The following GALNTL6 variants were observed in gnomAD, a reference collection of about 807,000 sequenced individuals.
The protein encoded by GALNTL6 is polypeptide N-acetylgalactosaminyltransferase-like 6.
A neutral mutation model predicts 73.7 loss-of-function variants in GALNTL6; 46 were observed. That is an observed-to-expected ratio of 0.62 (90% CI 0.49 to 0.80). GALNTL6 has a LOEUF of 0.80. Among genes scored for constraint, GALNTL6 ranks in the 30% least tolerant of loss-of-function variants. The pLI, the probability that GALNTL6 is intolerant of heterozygous loss-of-function variation, is 0.00. For missense variants in GALNTL6, 604 were observed against 755.0 expected (o/e 0.80, Z 2.34); for synonymous variants, 259 against 263.7 (o/e 0.98, Z 0.17).
chr4:172,114,039 G>C (rs772671026), intron 2 of GALNTL6, among the ~76,000 whole-genome samples: 3 of 152,080 alleles, frequency 2.0e-5, no homozygotes, highest in Non-Finnish European at 2.9e-5. Context: ...TTTAGCTGAA[G>C]AGAAAGTAAT....
intron 2 of GALNTL6, among the ~76,000 whole-genome samples, chr4:171,982,667 C>T (rs1208130068): frequency 1.3e-5 from 2 of 152,164 alleles, no homozygotes; most frequent in African/African-American, 4.8e-5. Flanking sequence ...CCCACATCAA[C>T]CCCTTGATAG....
At chr4:172,770,069 G>A (rs1463006286) in intron 5 of GALNTL6, among the ~76,000 whole-genome samples, 1 of 152,096 alleles carries the variant, frequency 6.6e-6, no homozygotes, top group African/African-American at 2.4e-5. Flanking sequence ...TTCGAAACCA[G>A]CCTGACCAAC....
At chr4:172,405,401 T>TGA (rs1217752681) in intron 5 of GALNTL6, among the ~76,000 whole-genome samples, 5 of 91,688 alleles carry the variant, frequency 5.5e-5, no homozygotes, top group Non-Finnish European at 1.0e-4. Context: ...TACTTATACT[T>TGA]GATATATATA....
At chr4:173,012,892 C>T (rs1002985970) in intron 11 of GALNTL6, among the ~76,000 whole-genome samples, 1 of 152,202 alleles carries the variant, frequency 6.6e-6, no homozygotes, top group African/African-American at 2.4e-5. Flanking sequence ...AATCCCAGCA[C>T]TTTGGGAGGC....
chr4:172,479,145 C>T (rs777843694), intron 5 of GALNTL6, among the ~76,000 whole-genome samples: 4 of 152,038 alleles, frequency 2.6e-5, no homozygotes, highest in Admixed American at 6.5e-5. Flanking sequence ...CTGTTCCATC[C>T]GGGAATCCCA....
chr4:172,285,353 C>G (rs1358616269), intron 3 of GALNTL6, among the ~76,000 whole-genome samples: 2 of 152,062 alleles, frequency 1.3e-5, no homozygotes, highest in Admixed American at 1.3e-4. Flanking sequence ...AGATGTATAT[C>G]CTGGCCTAAA....
At chr4:172,487,464 C>A (rs917895741) in intron 5 of GALNTL6, among the ~76,000 whole-genome samples, 1 of 151,500 alleles carries the variant, frequency 6.6e-6, no homozygotes, top group Non-Finnish European at 1.5e-5. Flanking sequence ...TGGCTCACTG[C>A]CTACCTCCAC....
At chr4:172,480,583 T>G (rs1203084860) in intron 5 of GALNTL6, among the ~76,000 whole-genome samples, 1 of 152,186 alleles carries the variant, frequency 6.6e-6, no homozygotes, top group African/African-American at 2.4e-5. Flanking sequence ...AAGTCACTGG[T>G]TTTTTTGTAG....
intron 5 of GALNTL6, among the ~76,000 whole-genome samples, chr4:172,752,319 TA>T (rs1737473175): frequency 6.6e-6 from 1 of 152,006 alleles, no homozygotes; most frequent in Non-Finnish European, 1.5e-5. Context: ...AAAAATAAAT[TA>T]AAATGTGTTA....
At chr4:172,866,096 A>G (rs992540693) in intron 7 of GALNTL6, among the ~76,000 whole-genome samples, 1 of 152,020 alleles carries the variant, frequency 6.6e-6, no homozygotes, top group Non-Finnish European at 1.5e-5. Context: ...CACCCTTCCC[A>G]CTTGGATGCC....
chr4:172,284,136 C>G (rs1428801165), intron 3 of GALNTL6, among the ~76,000 whole-genome samples: 1 of 152,014 alleles, frequency 6.6e-6, no homozygotes, highest in Non-Finnish European at 1.5e-5. Flanking sequence ...AGTCTAGGCA[C>G]TTTGCTTTAT....
chr4:172,297,973 C>T (rs1310074805), intron 3 of GALNTL6, among the ~76,000 whole-genome samples: 1 of 152,206 alleles, frequency 6.6e-6, no homozygotes, highest in East Asian at 1.9e-4. Context: ...ATTGGTTCTT[C>T]CTACCCATGA....
intron 2 of GALNTL6, among the ~76,000 whole-genome samples, chr4:172,095,298 C>CA (rs748750059): frequency 7.9e-5 from 12 of 152,072 alleles, no homozygotes; most frequent in Non-Finnish European, 1.8e-4. Flanking sequence ...AGCTCAGGAA[C>CA]TCTGAGAAGG....
intron 2 of GALNTL6, among the ~76,000 whole-genome samples, chr4:172,054,797 T>C (rs1730976161): frequency 6.6e-6 from 1 of 152,206 alleles, no homozygotes; most frequent in Non-Finnish European, 1.5e-5. Flanking sequence ...CAAACTCATA[T>C]TGTCCAACTA....
chr4:172,716,341 A>G (rs767797903), intron 5 of GALNTL6, among the ~76,000 whole-genome samples: 2 of 152,186 alleles, frequency 1.3e-5, no homozygotes, highest in Non-Finnish European at 2.9e-5. Context: ...AACCCAGTCC[A>G]TGTTATGATG....
chr4:172,820,383 C>G (rs1741856207), intron 7 of GALNTL6, among the ~76,000 whole-genome samples: 1 of 152,136 alleles, frequency 6.6e-6, no homozygotes, highest in Admixed American at 6.5e-5. Flanking sequence ...TTACCTTAAC[C>G]TATTCAAAAT....
At chr4:172,790,478 G>C (rs1739930442) in intron 5 of GALNTL6, among the ~76,000 whole-genome samples, 1 of 152,206 alleles carries the variant, frequency 6.6e-6, no homozygotes, top group African/African-American at 2.4e-5. Flanking sequence ...CTGTGAGCCA[G>C]AAAGAAGGAC....
intron 2 of GALNTL6, among the ~76,000 whole-genome samples, chr4:171,832,879 A>G (rs1207956624): frequency 6.6e-6 from 1 of 151,824 alleles, no homozygotes; most frequent in Non-Finnish European, 1.5e-5. Flanking sequence ...TAAACATTCA[A>G]TAAGCTTCCA....
intron 5 of GALNTL6, among the ~76,000 whole-genome samples, chr4:172,551,703 A>G (rs1735959987): frequency 6.6e-6 from 1 of 152,274 alleles, no homozygotes; most frequent in Non-Finnish European, 1.5e-5. Context: ...TATTGTTTGG[A>G]AGAATATACT....
Sources: allele counts gnomAD v4.1 joint callset (sites outside exome capture counted in the v4.1 genomes callset), GRCh38; gene constraint gnomAD v4.1.1; transcripts MANE v1.5; gene names NCBI Gene and HGNC (gene_info 2026-07-23, HGNC 2026-07-21).